The following CCDC138 variants were observed in gnomAD, a reference collection of about 807,000 sequenced individuals.
The protein encoded by CCDC138 is coiled-coil domain containing 138, also known as coiled-coil domain-containing protein 138.
Under a neutral mutation model 82.3 loss-of-function variants are expected in CCDC138, and 66 were observed. The ratio of observed to expected loss-of-function variants is 0.80; its 90% CI spans 0.66 to 0.98. The LOEUF (loss-of-function observed/expected upper bound fraction) is 0.98, where lower values mean the gene tolerates loss of function less well. Ranked by LOEUF, CCDC138 falls within the 50% of genes least tolerant of loss-of-function variation. The pLI is 0.00. For synonymous variants in CCDC138, 297 were observed against 265.4 expected (o/e 1.12, Z -1.16); for missense variants, 816 against 758.9 (o/e 1.08, Z -0.88).
chr2:108,807,731 C>A (rs189258390), intron 7 of CCDC138, among the ~76,000 whole-genome samples: 1 of 152,276 alleles, frequency 6.6e-6, no homozygotes, highest in Admixed American at 6.5e-5. Flanking sequence ...GATTCTCCTG[C>A]CTCAGCCTCC....
At chr2:108,807,706 C>G (rs941920769) in intron 7 of CCDC138, among the ~76,000 whole-genome samples, 3 of 152,148 alleles carry the variant, frequency 2.0e-5, no homozygotes, top group African/African-American at 7.2e-5. Flanking sequence ...CAACCTCTGC[C>G]TTCTGGACTC....
intron 14 of CCDC138, among the ~76,000 whole-genome samples, chr2:108,875,856 T>A (rs1006755101): frequency 2.5e-4 from 38 of 152,102 alleles, no homozygotes; most frequent in Admixed American, 6.6e-4. Context: ...AGACCTTATC[T>A]CAAAAGAAAA....
Position 108,786,781 on chromosome 2 carries a change from T to G in CCDC138, c.-42T>G. ...CGGCCGCGTAGCGCCGCGGGTTTGA[T>G]GAACGCGGTTCCCGGGGAGACTGGT... is the stretch of plus-strand genomic sequence containing the variant. On this transcript the variant is annotated 5_prime_UTR_variant, in exon 1 of 15. It removes an upstream start codon present in the reference 5' UTR. Coordinates refer to ENST00000295124, the MANE Select transcript of CCDC138 (RefSeq NM_144978.3). The G allele has an allele frequency of 6.5e-7, 1 of 1,536,000 alleles. No individual in the cohort carries two copies. Among genetic ancestry groups the G allele is most frequent in the South Asian group, 1.2e-5 (1 of 84,676 alleles).
At chr2:108,789,146 T>A (rs769519503) in intron 3 of CCDC138, among the ~76,000 whole-genome samples, 180 bp downstream of exon 3, 4 of 152,196 alleles carry the variant, frequency 2.6e-5, no homozygotes, top group Non-Finnish European at 5.9e-5. Context: ...ACTGAGAATC[T>A]CTGTAATAAA....
At chr2:108,845,271 C>T (rs1391997087) in intron 11 of CCDC138, among the ~76,000 whole-genome samples, 1 of 151,936 alleles carries the variant, frequency 6.6e-6, no homozygotes, top group East Asian at 1.9e-4. Flanking sequence ...AATTAGATTG[C>T]ACTGCTTGTG....
intron 5 of CCDC138, 91 bp from the exon 6 acceptor site, chr2:108,798,337 A>G (rs1681255669): frequency 7.0e-7 from 1 of 1,435,076 alleles, no homozygotes; most frequent in Non-Finnish European, 9.5e-7. Flanking sequence ...CCTGAAAACC[A>G]CTTGGTTAAA....
intron 11 of CCDC138, among the ~76,000 whole-genome samples, chr2:108,840,987 T>G (rs1471016654): frequency 2.0e-5 from 3 of 151,670 alleles, no homozygotes; most frequent in Non-Finnish European, 4.4e-5. Flanking sequence ...AATTTTTGTG[T>G]TTTTTGTGTG....
chr2:108,872,436 A>C (rs1209613072), intron 13 of CCDC138, among the ~76,000 whole-genome samples: 2 of 152,194 alleles, frequency 1.3e-5, no homozygotes, highest in Non-Finnish European at 2.9e-5. Context: ...TACTTTTACT[A>C]CATAGTTATA....
At chr2:108,808,497 C>T (rs1381406371) in intron 7 of CCDC138, among the ~76,000 whole-genome samples, 2 of 152,058 alleles carry the variant, frequency 1.3e-5, no homozygotes, top group Non-Finnish European at 1.5e-5. Context: ...AAAGAGTTTC[C>T]CTTCTCCACA....
chr2:108,854,308 T>C (rs932148850), intron 12 of CCDC138, among the ~76,000 whole-genome samples: 1 of 151,532 alleles, frequency 6.6e-6, no homozygotes, highest in Non-Finnish European at 1.5e-5. Context: ...CAGTATAATG[T>C]AGTAGTTACT....
intron 7 of CCDC138, among the ~76,000 whole-genome samples, chr2:108,811,062 G>A (rs539510024): frequency 3.7e-4 from 56 of 150,440 alleles, no homozygotes; most frequent in African/African-American, 1.3e-3. Context: ...CGATTTTTCC[G>A]ATTTTATCTG....
intron 11 of CCDC138, among the ~76,000 whole-genome samples, chr2:108,841,620 C>A (rs1408502629): frequency 6.6e-6 from 1 of 151,698 alleles, no homozygotes; most frequent in Non-Finnish European, 1.5e-5. Context: ...TTTCTTTTGA[C>A]CTGCTTATAT....
intron 13 of CCDC138, among the ~76,000 whole-genome samples, chr2:108,864,676 C>T (rs111748708): frequency 0.072 from 10,953 of 152,118 alleles, 506 homozygotes; most frequent in South Asian, 0.15. Context: ...CGCCTGTAGT[C>T]CCAGCTACTC....
intron 13 of CCDC138, among the ~76,000 whole-genome samples, chr2:108,861,828 C>A (rs966335274): frequency 6.6e-6 from 1 of 152,052 alleles, no homozygotes; most frequent in Admixed American, 6.6e-5. Flanking sequence ...TGAGCCACCG[C>A]GCCCAGCCTA....
chr2:108,788,444 C>T (rs1250187595), intron 2 of CCDC138, among the ~76,000 whole-genome samples: 1 of 150,112 alleles, frequency 6.7e-6, no homozygotes, highest in African/African-American at 2.5e-5. Context: ...ATAGGCTGCG[C>T]GCGGTGGCTC....
chr2:108,809,123 T>C (rs1683333280), intron 7 of CCDC138, among the ~76,000 whole-genome samples: 1 of 152,182 alleles, frequency 6.6e-6, no homozygotes, highest in South Asian at 2.1e-4. Context: ...ATCAGTTGGC[T>C]GTAAATGTGT....
At chr2:108,862,076 A>AC (rs1693714909) in intron 13 of CCDC138, among the ~76,000 whole-genome samples, 6 of 50,464 alleles carry the variant, frequency 1.2e-4, no homozygotes, top group Admixed American at 3.2e-4. Flanking sequence ...GTATGATTTC[A>AC]GTTTTTTTTT....
chr2:108,817,256 G>C (rs2149955450), intron 10 of CCDC138, among the ~76,000 whole-genome samples: 1 of 152,060 alleles, frequency 6.6e-6, no homozygotes, highest in African/African-American at 2.4e-5. Flanking sequence ...TTTGAAGATG[G>C]AGAAAGAGGG....
intron 4 of CCDC138, among the ~76,000 whole-genome samples, chr2:108,793,017 CTG>C (rs200211745): frequency 0.012 from 1,887 of 151,326 alleles, 50 homozygotes; most frequent in African/African-American, 0.044. Flanking sequence ...TGAGCTGAGA[CTG>C]TGCCACTGCA....
Sources: allele counts gnomAD v4.1 joint callset (sites outside exome capture counted in the v4.1 genomes callset), GRCh38; gene constraint gnomAD v4.1.1; transcripts MANE v1.5; gene names NCBI Gene and HGNC (gene_info 2026-07-23, HGNC 2026-07-21).